Variants in TCF7 observed in about 807,000 individuals in gnomAD.
The protein encoded by TCF7 is transcription factor 7, also known as T-cell-factor-7.
In TCF7, 19 loss-of-function variants were observed where a neutral mutation model predicts 46.8. The observed-to-expected ratio is 0.41, with a 90% CI of 0.28 to 0.60. The LOEUF is 0.60. Ranked by LOEUF, TCF7 falls within the 20% of genes least tolerant of loss-of-function variation. The probability of loss-of-function intolerance (pLI) is 0.35; values close to 1 mark genes in which losing one functional copy is unlikely to be tolerated. For synonymous variants in TCF7, 245 were observed against 213.4 expected, an observed-to-expected ratio of 1.15 and a Z score of -1.29; for missense variants, 547 against 504.6, an observed-to-expected ratio of 1.08 and a Z score of -0.81.
chr5:134,113,811 C>G (rs1755430561), upstream of TCF7, among the ~76,000 whole-genome samples: 1 of 152,222 alleles, frequency 6.6e-6, no homozygotes, highest in African/African-American at 2.4e-5. Flanking sequence ...GAGGGTTAGT[C>G]AGGCCAGGGT....
intron 3 of TCF7, among the ~76,000 whole-genome samples, chr5:134,124,938 G>T (rs1172456949): frequency 6.6e-6 from 1 of 152,200 alleles, no homozygotes; most frequent in Admixed American, 6.5e-5. Context: ...TGAGGGCAGG[G>T]AGCTGTGATG....
chr5:134,145,547 G>A, intron 9 of TCF7: 1 of 628,890 alleles, frequency 1.6e-6, no homozygotes, highest in Non-Finnish European at 2.8e-6. Flanking sequence ...GCCTGGCAGG[G>A]CTAAGATAGA....
chr5:134,126,673 C>T (rs58833078), intron 3 of TCF7, among the ~76,000 whole-genome samples: 7,219 of 152,152 alleles, frequency 0.047, 488 homozygotes, highest in African/African-American at 0.15. Flanking sequence ...CCAAGGCAGG[C>T]GGATCACGAG....
At chr5:134,121,900 C>T (rs1051837020) in intron 3 of TCF7, among the ~76,000 whole-genome samples, 2 of 152,210 alleles carry the variant, frequency 1.3e-5, no homozygotes, top group Non-Finnish European at 2.9e-5. Context: ...GCTGTAGGTT[C>T]TGAGCTGTGA....
chr5:134,144,713 T>TACC (rs2149359817), intron 9 of TCF7: 1 of 1,030,630 alleles, frequency 9.7e-7, no homozygotes, highest in East Asian at 2.4e-5. Flanking sequence ...ACACTGATGT[T>TACC]ACCTCTTCTT....
chr5:134,139,206 G>C (rs961287578), intron 5 of TCF7, 168 bp downstream of exon 5: 3 of 1,052,966 alleles, frequency 2.8e-6, no homozygotes, highest in African/African-American at 3.2e-5. Context: ...CTGAGCTAGG[G>C]GTCCTCATGT....
chr5:134,146,071 AAT>A, intron 9 of TCF7, 151 bp from the exon 10 acceptor site: 2 of 1,579,878 alleles, frequency 1.3e-6, no homozygotes, highest in Non-Finnish European at 1.7e-6. Flanking sequence ...GACCAAGCAG[AAT>A]GGCAGTCTGA....
chr5:134,145,745 A>G, intron 9 of TCF7: 1 of 1,613,936 alleles, frequency 6.2e-7, no homozygotes, highest in Non-Finnish European at 8.5e-7. Flanking sequence ...CATCAGAGAC[A>G]AACTGGCCCA....
At chr5:134,145,945 G>T in intron 9 of TCF7, 1 of 1,486,238 alleles carries the variant, frequency 6.7e-7, no homozygotes, top group Non-Finnish European at 8.9e-7. Context: ...TCCCTTGGAA[G>T]ACAGGAGAGA....
At chr5:134,115,635 C>T in intron 2 of TCF7, 4 of 1,432,016 alleles carry the variant, frequency 2.8e-6, no homozygotes, top group Non-Finnish European at 3.6e-6. Context: ...GCCCAGGTGA[C>T]TGACTAATCC....
chr5:134,144,266 G>A (rs1237929400), intron 9 of TCF7: 1 of 167,352 alleles, frequency 6.0e-6, no homozygotes, highest in Non-Finnish European at 1.3e-5. Flanking sequence ...GGACAGAGCA[G>A]GGCAGAGTTC....
At chr5:134,131,580 G>A (rs1561672486) in intron 3 of TCF7, among the ~76,000 whole-genome samples, 1 of 152,190 alleles carries the variant, frequency 6.6e-6, no homozygotes, top group Admixed American at 6.5e-5. Context: ...TCACAGCCCT[G>A]TGGCTGAGGA....
chr5:134,140,951 AAGGCCATGCCC>A (rs1759655933), intron 5 of TCF7: 2 of 348,100 alleles, frequency 5.7e-6, no homozygotes. Flanking sequence ...GAGCCCACAC[AAGGCCATGCCC>A]AGGCCAGTGC....
chr5:134,142,608 GAAAACT>G, intron 6 of TCF7, 107 bp from the exon 7 acceptor site: 1 of 1,385,482 alleles, frequency 7.2e-7, no homozygotes, highest in Non-Finnish European at 9.7e-7. Context: ...ATTCCACTTA[GAAAACT>G]CTGGTATCAT....
chr5:134,146,218 T>A lies in TCF7; in HGVS notation c.1076-6T>A. On this transcript the variant is annotated splice_polypyrimidine_tract_variant and splice_region_variant and intron_variant, in intron 9 of 9. Coordinates refer to ENST00000342854, the MANE Select transcript of TCF7 (RefSeq NM_003202.5). ...GTTTACAGATAACTCTCTTCACTAT[T>A]CCTAGGAGGAAAAAGAAATGCATTC... is the stretch of plus-strand genomic sequence containing the variant. 6.2e-7 allele frequency: 1 copy of A among 1,614,156 alleles called. No individual in the cohort carries two copies. Among genetic ancestry groups the A allele is most frequent in the African/African-American group, 1.3e-5 (1 of 75,026 alleles).
upstream of TCF7, among the ~76,000 whole-genome samples, chr5:134,111,688 AAGT>A (rs541709433): frequency 2.6e-5 from 4 of 152,134 alleles, no homozygotes; most frequent in Admixed American, 2.6e-4. Flanking sequence ...GCCACCCAGA[AAGT>A]CAGGGCTCCA....
At position 134,142,284 on chromosome 5, in the gene TCF7, G is replaced by A. The variant is rs770993865; in HGVS notation, c.735G>A (p.Leu245=). The change falls in exon 6 of 10, where the codon CTG becomes CTA. Residue 245 remains leucine, a synonymous_variant. Transcript: ENST00000342854. The part of the protein sequence containing the change: ...AIVPPSGKQE[L]QPFDRNLKTQ... ...TGCCCCCCTCAGGGAAGCAGGAGCT[G>A]CAGCCCTTCGACCGCAACCTGTGAG... 6.3e-7 allele frequency: 1 copy of A among 1,595,568 alleles called. No homozygotes were observed. The highest frequency in any genetic ancestry group is 8.6e-7 in the Non-Finnish European group (1 of 1,167,836).
chr5:134,140,975 G>C (rs1580885979), intron 5 of TCF7: 1 of 327,108 alleles, frequency 3.1e-6, no homozygotes, highest in East Asian at 1.1e-4. Flanking sequence ...GCCAGTGCTT[G>C]CCCTGTGTTA....
chr5:134,145,927 G>A (rs1444533867), intron 9 of TCF7: 1 of 1,507,112 alleles, frequency 6.6e-7, no homozygotes, highest in Middle Eastern at 2.2e-4. Context: ...CCGGGACTGG[G>A]AGATGACTCC....
Sources: allele counts gnomAD v4.1 joint callset (sites outside exome capture counted in the v4.1 genomes callset), GRCh38; gene constraint gnomAD v4.1.1; transcripts MANE v1.5; gene names NCBI Gene and HGNC (gene_info 2026-07-23, HGNC 2026-07-21).